WWP2: variants seen among roughly 807,000 people sequenced by gnomAD.
WWP2 encodes the protein NEDD4-like E3 ubiquitin-protein ligase WWP2.
In WWP2, 57 loss-of-function variants were observed where a neutral mutation model predicts 121.0. The ratio of observed to expected loss-of-function variants is 0.47; its 90% CI spans 0.38 to 0.59. WWP2 has a LOEUF of 0.59. Among genes scored for constraint, WWP2 ranks in the 20% least tolerant of loss-of-function variants. The pLI, the probability that WWP2 is intolerant of heterozygous loss-of-function variation, is 0.00. For missense variants in WWP2, 962 were observed against 1,158.9 expected (o/e 0.83, Z 2.47); for synonymous variants, 449 against 441.3 (o/e 1.02, Z -0.22).
At chr16:69,909,658 C>A in intron 9 of WWP2, 1 of 985,324 alleles carries the variant, frequency 1.0e-6, no homozygotes, top group Non-Finnish European at 1.2e-6. Context: ...TCCACTTTGA[C>A]TTGAAGTCAA....
chr16:69,910,282 C>A, intron 9 of WWP2: 1 of 706,394 alleles, frequency 1.4e-6, no homozygotes, highest in Non-Finnish European at 1.7e-6. Context: ...TATCAAATAC[C>A]CAGTCAATAT....
rs971779086 is a variant in WWP2 at position 69,888,055 on chromosome 16, A to G, written c.720A>G (p.Thr240=). 1 of 1,614,218 alleles carries G rather than the reference A, an allele frequency of 6.2e-7. No individual in the cohort carries two copies. Among genetic ancestry groups the G allele is most frequent in the Non-Finnish European group, 8.5e-7 (1 of 1,180,046 alleles). Residue 240 remains threonine (T), a synonymous_variant, in exon 8 of 24, where the codon ACA becomes ACG. Coordinates refer to ENST00000359154, the MANE Select transcript of WWP2 (RefSeq NM_001270454.2). ...LANGTVNDEP[T]TATDPEEPSV... is the part of the protein sequence containing the mutation. Reference sequence around the variant, plus strand: ...CATCTTCAGTGAATGATGAACCCACAACAGCCACTGATCCCGAAGAACCTT... The same window carrying G: ...CATCTTCAGTGAATGATGAACCCACGACAGCCACTGATCCCGAAGAACCTT...
intron 4 of WWP2, among the ~76,000 whole-genome samples, chr16:69,814,712 G>A (rs1370116499): frequency 1.3e-5 from 2 of 152,190 alleles, no homozygotes; most frequent in Non-Finnish European, 2.9e-5. Context: ...AGAACAGACA[G>A]GCCAGTCATG....
At chr16:69,894,279 C>A (rs1453897529) in intron 8 of WWP2, among the ~76,000 whole-genome samples, 1 of 150,020 alleles carries the variant, frequency 6.7e-6, no homozygotes, top group African/African-American at 2.5e-5. Context: ...GAGGGTCTCA[C>A]TCTGTTGCCC....
rs1004096719 is a variant in WWP2 at position 69,799,154 on chromosome 16, A to G, written c.219-20A>G. On this transcript the variant is annotated intron_variant, in intron 3 of 23. Coordinates refer to ENST00000359154, the MANE Select transcript of WWP2 (RefSeq NM_001270454.2). This position sits in a 1 kb window ranked among gnomAD's most constrained non-coding sequence, Gnocchi z 4.5. Reference sequence around the variant, plus strand: ...GGAATGATCTGCTTGGATGTAATGAATCAGGTATTTGTTTTTCAGGAATGT... The same window carrying G: ...GGAATGATCTGCTTGGATGTAATGAGTCAGGTATTTGTTTTTCAGGAATGT... 4 of 1,606,360 alleles carry G rather than the reference A, an allele frequency of 2.5e-6. 1 individual carries two copies. Among genetic ancestry groups the G allele is most frequent in the Admixed American group, 1.7e-5 (1 of 58,172 alleles).
chr16:69,838,803 C>T (rs752869922), intron 4 of WWP2: 305 of 985,392 alleles, frequency 3.1e-4, no homozygotes, highest in Non-Finnish European at 3.6e-4. Flanking sequence ...GCAGCAGACT[C>T]ACTCAGAAAA....
At chr16:69,778,142 C>G (rs942743366) in intron 1 of WWP2, among the ~76,000 whole-genome samples, 2 of 145,368 alleles carry the variant, frequency 1.4e-5, no homozygotes, top group East Asian at 4.0e-4. Flanking sequence ...CACACACACA[C>G]ATATATACAT....
At chr16:69,801,468 C>G (rs2056165256) in intron 4 of WWP2, among the ~76,000 whole-genome samples, 2 of 152,070 alleles carry the variant, frequency 1.3e-5, no homozygotes, top group African/African-American at 4.8e-5. Context: ...CTCCTGAGCT[C>G]AAGTGATCCG....
chr16:69,933,086 C>T (rs368187158), intron 16 of WWP2: 2 of 505,984 alleles, frequency 4.0e-6, no homozygotes, highest in Non-Finnish European at 8.2e-6. Context: ...CTGTGTGTGT[C>T]TCTCTCTGTG....
intron 6 of WWP2, among the ~76,000 whole-genome samples, chr16:69,868,567 C>G (rs2057570882): frequency 6.6e-6 from 1 of 152,220 alleles, no homozygotes; most frequent in African/African-American, 2.4e-5. Context: ...ATCAGAGAGG[C>G]TTTTTGTCCT....
intron 4 of WWP2, among the ~76,000 whole-genome samples, chr16:69,823,117 C>T (rs569624078): frequency 1.3e-5 from 2 of 152,178 alleles, no homozygotes; most frequent in Admixed American, 6.5e-5. Context: ...CGCAACAGAG[C>T]GAGACTGTGT....
rs115890606 is a variant in WWP2 at position 69,872,137 on chromosome 16, C to G, written c.703+206C>G. On this transcript the variant is annotated intron_variant, in intron 7 of 23. Coordinates refer to ENST00000359154, the MANE Select transcript of WWP2 (RefSeq NM_001270454.2). ...TATTCTGTACAGCCAAGGTTATTCTCCATATGACTGCGCTCTTCTAAAATA... is the reference window on the plus strand; with the variant it reads ...TATTCTGTACAGCCAAGGTTATTCTGCATATGACTGCGCTCTTCTAAAATA... Among the ~76,000 whole-genome samples, 784 of 152,308 alleles carry G rather than the reference C, an allele frequency of 5.1e-3. 5 individuals carry two copies. Among genetic ancestry groups the G allele is most frequent in the African/African-American group, 0.018 (751 of 41,558 alleles).
chr16:69,787,150 G>C, intron 2 of WWP2, 70 bp downstream of exon 2: 1 of 1,404,758 alleles, frequency 7.1e-7, no homozygotes, highest in African/African-American at 1.5e-5. Context: ...ACCACACCTT[G>C]GTCTGGGGAG....
intron 6 of WWP2, among the ~76,000 whole-genome samples, chr16:69,843,230 G>C (rs986178366): frequency 6.6e-6 from 1 of 152,060 alleles, no homozygotes; most frequent in Non-Finnish European, 1.5e-5. Flanking sequence ...TGGTTCCCTT[G>C]TAATGTTGGT....
At chr16:69,931,311 G>A (rs576393337) in intron 14 of WWP2, 84 bp downstream of exon 14, 54 of 1,566,890 alleles carry the variant, frequency 3.4e-5, no homozygotes, top group African/African-American at 2.6e-4. Context: ...AGCAGGTATC[G>A]GAATGTTTGT....
intron 7 of WWP2, among the ~76,000 whole-genome samples, chr16:69,882,866 CAG>C (rs1467790162): frequency 1.3e-5 from 2 of 152,084 alleles, no homozygotes; most frequent in Non-Finnish European, 2.9e-5. Flanking sequence ...AAAGTTAATA[CAG>C]CAGACCGGGT....
In WWP2 at chr16:69,787,090, A is replaced by C. The variant is rs1364022959; in HGVS notation, c.70+10A>C. Reference sequence around the variant, plus strand: ...CAGCTCACTTTGAAAGGTGAGTGGCACTGTATAATGTCTTCATCTTGTCTA... The same window carrying C: ...CAGCTCACTTTGAAAGGTGAGTGGCCCTGTATAATGTCTTCATCTTGTCTA... On this transcript the variant is annotated intron_variant, in intron 2 of 23. Coordinates refer to ENST00000359154, the MANE Select transcript of WWP2 (RefSeq NM_001270454.2). 1 of 1,612,002 alleles carries C rather than the reference A, an allele frequency of 6.2e-7. No homozygotes were observed. The highest frequency in any genetic ancestry group is 1.7e-5 in the Admixed American group (1 of 59,770).
At position 69,939,823 on chromosome 16, in the gene WWP2, C is replaced by T; in HGVS notation, c.2514-18C>T. 1 of 1,609,286 alleles carries T rather than the reference C, an allele frequency of 6.2e-7. No individual in the cohort carries two copies. The highest frequency in any genetic ancestry group is 8.5e-7 in the Non-Finnish European group (1 of 1,177,548). ...TGGCCTCCTAGGGCTGACTGTCGTG[C>T]TTCCCCACTCTCAATAGCTTCAACC... On this transcript the variant is annotated intron_variant, in intron 23 of 23. Coordinates refer to ENST00000359154, the MANE Select transcript of WWP2 (RefSeq NM_001270454.2).
chr16:69,933,071 G>A (rs1362691689), intron 16 of WWP2: 5 of 499,494 alleles, frequency 1.0e-5, no homozygotes, highest in Non-Finnish European at 1.7e-5. Flanking sequence ...TGGTGTGGCC[G>A]CGCCCTGTGT....
Sources: allele counts gnomAD v4.1 joint callset (sites outside exome capture counted in the v4.1 genomes callset), GRCh38; gene constraint gnomAD v4.1.1; non-coding constraint Gnocchi (gnomAD v3.1); transcripts MANE v1.5; gene names NCBI Gene and HGNC (gene_info 2026-07-23, HGNC 2026-07-21).